The following AOPEP variants were observed in gnomAD, a reference collection of about 807,000 sequenced individuals.
The protein encoded by AOPEP is aminopeptidase O.
AOPEP carries 77 observed loss-of-function variants against 98.1 expected under a neutral mutation model. The ratio of observed to expected loss-of-function variants is 0.78; its 90% CI spans 0.65 to 0.95. The LOEUF (loss-of-function observed/expected upper bound fraction) is 0.95. Ranked by LOEUF, AOPEP falls within the 40% of genes least tolerant of loss-of-function variation. AOPEP has a pLI of 0.00. For missense variants in AOPEP, 1,024 were observed against 1,024.7 expected, an observed-to-expected ratio of 1.00 and a Z score of 0.01; for synonymous variants, 346 against 365.3, an observed-to-expected ratio of 0.95 and a Z score of 0.60.
chr9:94,795,450 A>G (rs940715071), intron 4 of AOPEP, among the ~76,000 whole-genome samples: 8 of 152,168 alleles, frequency 5.3e-5, no homozygotes, highest in African/African-American at 1.9e-4. Context: ...TTATCTGTAG[A>G]ATGAAGGCTT....
intron 6 of AOPEP, among the ~76,000 whole-genome samples, chr9:94,924,825 A>C (rs1414289713): frequency 6.6e-6 from 1 of 152,188 alleles, no homozygotes; most frequent in Admixed American, 6.5e-5. Flanking sequence ...CTTTTATGTG[A>C]AGTTTACTAA....
At chr9:94,833,175 A>ATC (rs1036141153) in intron 5 of AOPEP, among the ~76,000 whole-genome samples, 2 of 145,162 alleles carry the variant, frequency 1.4e-5, no homozygotes, top group African/African-American at 5.1e-5. Flanking sequence ...ACCTAAAGTG[A>ATC]TCCACCCGCC....
the AOPEP span, among the ~76,000 whole-genome samples, chr9:95,139,093 A>G: frequency 2.0e-5 from 3 of 152,198 alleles, no homozygotes; most frequent in Admixed American, 1.3e-4. Flanking sequence ...AATTTGGCCG[A>G]GCCAACATAT....
At chr9:95,088,178 T>C (rs943893622), downstream of AOPEP, among the ~76,000 whole-genome samples, 2 of 152,020 alleles carry the variant, frequency 1.3e-5, no homozygotes, top group Non-Finnish European at 2.9e-5. Context: ...GAATGAACGA[T>C]GCTTTCTCTC....
chr9:95,094,253 A>C, the AOPEP span, among the ~76,000 whole-genome samples: 1 of 152,202 alleles, frequency 6.6e-6, no homozygotes, highest in Non-Finnish European at 1.5e-5. Context: ...CAGTGGAGGG[A>C]GTGGGGTCAG....
chr9:94,958,535 C>G (rs189462906), intron 9 of AOPEP, among the ~76,000 whole-genome samples: 1 of 152,170 alleles, frequency 6.6e-6, no homozygotes, highest in Non-Finnish European at 1.5e-5. Context: ...AGTTTTTTCA[C>G]GCACTTGCCA....
intron 1 of AOPEP, 79 bp from the exon 2 acceptor site, chr9:94,759,570 A>G (rs1440008319): frequency 3.7e-6 from 2 of 535,580 alleles, no homozygotes; most frequent in Non-Finnish European, 6.5e-6. Context: ...GATGGTGGTC[A>G]ACTTGCAGGA....
chr9:94,946,980 T>C (rs2057703980), intron 7 of AOPEP, among the ~76,000 whole-genome samples: 2 of 143,304 alleles, frequency 1.4e-5, no homozygotes, highest in South Asian at 4.4e-4. Context: ...TTTGTTATTC[T>C]TTTTTTTTTT....
chr9:95,071,374 A>G (rs2068494356), intron 14 of AOPEP, among the ~76,000 whole-genome samples: 1 of 150,048 alleles, frequency 6.7e-6, no homozygotes, highest in Non-Finnish European at 1.5e-5. Context: ...ATATATCTGT[A>G]TCAATTGTTG....
At chr9:95,017,034 G>C (rs964976565) in intron 13 of AOPEP, among the ~76,000 whole-genome samples, 2 of 150,580 alleles carry the variant, frequency 1.3e-5, no homozygotes, top group African/African-American at 4.9e-5. Flanking sequence ...ATAAAATGTG[G>C]CAATTTTCTA....
At chr9:94,944,822 A>G (rs2057434578) in intron 7 of AOPEP, among the ~76,000 whole-genome samples, 2 of 152,180 alleles carry the variant, frequency 1.3e-5, no homozygotes, top group African/African-American at 4.8e-5. Flanking sequence ...TCTAAAGTTT[A>G]TTGCACATCA....
At chr9:95,121,000 G>A in the AOPEP span, among the ~76,000 whole-genome samples, 1 of 152,154 alleles carries the variant, frequency 6.6e-6, no homozygotes, top group African/African-American at 2.4e-5. Context: ...AGGGCAGCTG[G>A]GGGGAGGCAG....
intron 5 of AOPEP, among the ~76,000 whole-genome samples, chr9:94,893,229 C>T (rs1284408313): frequency 6.6e-6 from 1 of 152,018 alleles, no homozygotes; most frequent in East Asian, 1.9e-4. Flanking sequence ...TATTGAACAC[C>T]CTTTTGGGTG....
At chr9:94,958,980 G>GT (rs112814185) in intron 9 of AOPEP, among the ~76,000 whole-genome samples, 13,699 of 147,400 alleles carry the variant, frequency 0.093, 1,898 homozygotes, top group African/African-American at 0.3. Flanking sequence ...TCACTCCTAT[G>GT]TTTTTTTTTT....
At chr9:95,095,786 C>T in the AOPEP span, among the ~76,000 whole-genome samples, 2 of 148,526 alleles carry the variant, frequency 1.3e-5, no homozygotes, top group Non-Finnish European at 3.0e-5. Flanking sequence ...CTCAGCTCCC[C>T]TTCCTCCCTC....
intron 5 of AOPEP, among the ~76,000 whole-genome samples, chr9:94,909,346 T>TAAAAAAAAAAAAAA: frequency 1.2e-5 from 1 of 82,032 alleles, no homozygotes; most frequent in Non-Finnish European, 2.3e-5. Context: ...TTTGGAGCCT[T>TAAAAAAAAAAAAAA]AAAAAAAAAA....
chr9:94,798,310 C>G (rs1261452166), intron 4 of AOPEP, among the ~76,000 whole-genome samples: 1 of 152,200 alleles, frequency 6.6e-6, no homozygotes, highest in African/African-American at 2.4e-5. Flanking sequence ...CTAATTCACA[C>G]AACTAGAATC....
chr9:94,792,997 C>T (rs1188028360), intron 4 of AOPEP, 79 bp downstream of exon 4: 10 of 1,428,196 alleles, frequency 7.0e-6, no homozygotes, highest in Non-Finnish European at 8.5e-6. Context: ...CTTCCAAGCA[C>T]TGGGAATGTG....
At chr9:94,925,213 A>T (rs956476517) in intron 6 of AOPEP, among the ~76,000 whole-genome samples, 8 of 151,842 alleles carry the variant, frequency 5.3e-5, no homozygotes, top group Non-Finnish European at 1.2e-4. Flanking sequence ...CTGGTCTCGA[A>T]CTCCTGACCT....
Sources: allele counts gnomAD v4.1 joint callset (sites outside exome capture counted in the v4.1 genomes callset), GRCh38; gene constraint gnomAD v4.1.1; transcripts MANE v1.5; gene names NCBI Gene and HGNC (gene_info 2026-07-23, HGNC 2026-07-21).